The following SCFD2 variants were observed in gnomAD, a reference collection of about 807,000 sequenced individuals.
SCFD2 encodes sec1 family domain containing 2.
A neutral mutation model predicts 58.9 loss-of-function variants in SCFD2; 54 were observed. That is an observed-to-expected ratio of 0.92 (90% CI 0.74 to 1.15). SCFD2 has a LOEUF of 1.15. SCFD2 is among the 50% of genes most tolerant of loss of function. SCFD2 has a pLI of 0.00. For missense variants in SCFD2, 805 were observed against 836.6 expected (o/e 0.96, Z 0.47); for synonymous variants, 321 against 335.9 (o/e 0.96, Z 0.49).
At chr4:52,965,960 C>A (rs1259804427) in intron 5 of SCFD2, among the ~76,000 whole-genome samples, 1 of 152,230 alleles carries the variant, frequency 6.6e-6, no homozygotes, top group Non-Finnish European at 1.5e-5. Flanking sequence ...CAAATACAGA[C>A]TTCATGGGTG....
In SCFD2 at chr4:53,233,272, G is replaced by C. The variant is rs188707514; in HGVS notation, c.1311+40554C>G. On this transcript the variant is annotated intron_variant, in intron 4 of 8. Coordinates refer to ENST00000401642, the MANE Select transcript of SCFD2 (RefSeq NM_152540.4). ...GTAGTTGTCATGGTACAAACAGCTA[G>C]AGGGAGTGGCTCAGGATGGAAGATT... 3.1e-3 allele frequency among the ~76,000 whole-genome samples: 470 copies of C among 152,290 alleles called. 6 individuals are homozygous for C. Among genetic ancestry groups the C allele is most frequent in the Non-Finnish European group, 3.5e-3 (237 of 68,028 alleles).
intron 4 of SCFD2, among the ~76,000 whole-genome samples, chr4:53,253,266 T>C (rs1309007136): frequency 2.0e-5 from 3 of 152,014 alleles, no homozygotes; most frequent in South Asian, 2.1e-4. Flanking sequence ...TGTGGAGAAA[T>C]AGGAACACTT....
intron 7 of SCFD2, among the ~76,000 whole-genome samples, chr4:52,895,152 C>A (rs1207207923): frequency 6.6e-6 from 1 of 152,054 alleles, no homozygotes; most frequent in African/African-American, 2.4e-5. Flanking sequence ...ACAGTATTTT[C>A]TGCTCCTCAT....
At chr4:52,899,861 T>G (rs949280409) in intron 7 of SCFD2, among the ~76,000 whole-genome samples, 3 of 152,208 alleles carry the variant, frequency 2.0e-5, no homozygotes, top group Admixed American at 1.3e-4. Context: ...TTTTATTCTT[T>G]TTTCTCTAAA....
intron 4 of SCFD2, among the ~76,000 whole-genome samples, chr4:53,225,488 A>G (rs144745795): frequency 6.4e-4 from 98 of 152,336 alleles, no homozygotes; most frequent in African/African-American, 2.2e-3. Flanking sequence ...TTCACATGTA[A>G]TATACATCAA....
chr4:53,111,332 T>C (rs554203088), intron 5 of SCFD2, among the ~76,000 whole-genome samples: 3 of 152,068 alleles, frequency 2.0e-5, no homozygotes, highest in Non-Finnish European at 4.4e-5. Context: ...ACTTAAAATA[T>C]AATCATAAAA....
chr4:52,921,413 C>A (rs890181890), intron 5 of SCFD2, among the ~76,000 whole-genome samples: 1 of 152,140 alleles, frequency 6.6e-6, no homozygotes, highest in African/African-American at 2.4e-5. Flanking sequence ...CGGTTTTCTG[C>A]AACCTTCTGT....
At position 53,323,335 on chromosome 4, in the gene SCFD2, G is replaced by C. The variant is rs74434370; in HGVS notation, c.1008-9572C>G. 6.9e-3 allele frequency among the ~76,000 whole-genome samples: 1,043 copies of C among 152,176 alleles called. 16 individuals carry two copies. Among genetic ancestry groups the C allele is most frequent in the African/African-American group, 0.024 (999 of 41,510 alleles). ...TAGAACTACAGAACAGTGTTGAAGT[G>C]TTACAACTCTGAGGAGAGAAGAATA... On this transcript the variant is annotated intron_variant, in intron 2 of 8. Coordinates refer to ENST00000401642, the MANE Select transcript of SCFD2 (RefSeq NM_152540.4).
At chr4:52,919,623 C>A (rs1019146332) in intron 6 of SCFD2, among the ~76,000 whole-genome samples, 1 of 152,224 alleles carries the variant, frequency 6.6e-6, no homozygotes, top group African/African-American at 2.4e-5. Context: ...CAGCAAAGAT[C>A]TGGCATCTGC....
Position 52,882,174 on chromosome 4 carries a change from A to C in SCFD2, c.1962+3573T>G, listed in dbSNP as rs75592914. ...ATTCAGGTCCATTTCACAGGGTAAG[A>C]GTGGGGTGGCTACAGGAACTGATGA... On this transcript the variant is annotated intron_variant, in intron 8 of 8. Transcript: ENST00000401642. 3.3e-3 allele frequency among the ~76,000 whole-genome samples: 497 copies of C among 152,246 alleles called. 8 individuals are homozygous for C. In the East Asian group the frequency reaches 0.058, roughly 18 times the overall value.
At chr4:53,282,046 T>C (rs1731524259) in intron 3 of SCFD2, among the ~76,000 whole-genome samples, 1 of 152,230 alleles carries the variant, frequency 6.6e-6, no homozygotes, top group Non-Finnish European at 1.5e-5. Flanking sequence ...CATCATAAAC[T>C]GTATAACAAT....
chr4:53,139,526 G>C (rs1577767086), intron 5 of SCFD2, among the ~76,000 whole-genome samples: 1 of 86,232 alleles, frequency 1.2e-5, no homozygotes, highest in African/African-American at 2.9e-5. Flanking sequence ...CCTCTGCCCG[G>C]CAGCTGCCCC....
intron 5 of SCFD2, among the ~76,000 whole-genome samples, chr4:52,960,845 G>A (rs1308790192): frequency 2.0e-5 from 3 of 152,096 alleles, no homozygotes; most frequent in Admixed American, 6.5e-5. Flanking sequence ...GGAAAACAAA[G>A]ATGCAAAGAT....
chr4:53,322,901 T>C (rs1193952187), intron 2 of SCFD2, among the ~76,000 whole-genome samples: 1 of 152,252 alleles, frequency 6.6e-6, no homozygotes, highest in African/African-American at 2.4e-5. Context: ...TTAATTCATG[T>C]GTCAAGGAAC....
At chr4:53,008,925 C>T (rs910636959) in intron 5 of SCFD2, among the ~76,000 whole-genome samples, 1 of 152,170 alleles carries the variant, frequency 6.6e-6, no homozygotes, top group Non-Finnish European at 1.5e-5. Flanking sequence ...GTACTTTTCT[C>T]TTTTGATGGT....
At chr4:53,039,963 T>TA (rs1016732071) in intron 5 of SCFD2, among the ~76,000 whole-genome samples, 5 of 152,192 alleles carry the variant, frequency 3.3e-5, no homozygotes, top group African/African-American at 1.2e-4. Flanking sequence ...ATTTGACACT[T>TA]ACACTCCTTC....
chr4:53,338,630 G>A (rs1042828114), intron 2 of SCFD2, among the ~76,000 whole-genome samples: 1 of 118,684 alleles, frequency 8.4e-6, no homozygotes, highest in Non-Finnish European at 1.6e-5. Flanking sequence ...GCCCAGGCTG[G>A]AGTGCAGTGG....
At chr4:53,034,411 CACAAA>C (rs1394834256) in intron 5 of SCFD2, among the ~76,000 whole-genome samples, 1 of 152,098 alleles carries the variant, frequency 6.6e-6, no homozygotes, top group Non-Finnish European at 1.5e-5. Context: ...TGAAAACCAG[CACAAA>C]ACAAGGATGC....
intron 5 of SCFD2, among the ~76,000 whole-genome samples, chr4:53,049,059 G>T (rs1577685360): frequency 6.6e-6 from 1 of 152,184 alleles, no homozygotes; most frequent in Admixed American, 6.5e-5. Context: ...TGGAAAACGT[G>T]TCCCAAAGAA....
Sources: gnomAD v4.1 joint callset for allele counts (sites outside exome capture counted in the v4.1 genomes callset) on GRCh38, gnomAD v4.1.1 for gene constraint, MANE v1.5 for transcripts, NCBI Gene and HGNC (gene_info 2026-07-23, HGNC 2026-07-21) for gene names.